WDR41: variants seen among roughly 807,000 people sequenced by gnomAD.
WDR41 encodes the protein WD repeat domain 41, also known as WD repeat-containing protein 41.
Under a neutral mutation model 69.3 loss-of-function variants are expected in WDR41, and 63 were observed. The ratio of observed to expected loss-of-function variants is 0.91; its 90% CI spans 0.74 to 1.12. The LOEUF is 1.12. Among genes scored for constraint, WDR41 ranks in the 50% most tolerant of loss-of-function variants. The pLI, the probability that WDR41 is intolerant of heterozygous loss-of-function variation, is 0.00. For synonymous variants in WDR41, 185 were observed against 192.1 expected, an observed-to-expected ratio of 0.96 and a Z score of 0.31; for missense variants, 543 against 534.5, an observed-to-expected ratio of 1.02 and a Z score of -0.16.
rs1426650767 is a variant in WDR41 at position 77,431,958 on chromosome 5, C to T, written c.*1177G>A. 5 of 152,144 alleles carry T rather than the reference C, an allele frequency of 3.3e-5. No homozygotes were observed. The highest frequency in any genetic ancestry group is 3.3e-4 in the Admixed American group (5 of 15,274). The allele number at this position is 152,144 out of a possible 1,614,324, so 9.4% of individuals were successfully genotyped here. ...GGGCACTACAGATTTAATTGCAAGGCCTTACTGCACTGGGCCTCAGTTTCC... is the reference window on the plus strand; with the variant it reads ...GGGCACTACAGATTTAATTGCAAGGTCTTACTGCACTGGGCCTCAGTTTCC... On this transcript the variant is annotated 3_prime_UTR_variant, in exon 13 of 13. Coordinates refer to ENST00000296679, the MANE Select transcript of WDR41 (RefSeq NM_018268.4).
chr5:77,438,888 A>C (rs1037491167), intron 9 of WDR41, among the ~76,000 whole-genome samples: 1 of 152,220 alleles, frequency 6.6e-6, no homozygotes, highest in Non-Finnish European at 1.5e-5. Flanking sequence ...ATTTTTCCAA[A>C]TGTACTATTA....
intron 7 of WDR41, 105 bp from the exon 8 acceptor site, chr5:77,449,975 T>C (rs1319748347): frequency 1.3e-6 from 1 of 752,848 alleles, no homozygotes; most frequent in Non-Finnish European, 2.2e-6. Flanking sequence ...ATACCTACCA[T>C]ACTGAAAAAC....
intron 2 of WDR41, among the ~76,000 whole-genome samples, chr5:77,474,610 A>T (rs764716571): frequency 1.3e-5 from 2 of 152,184 alleles, no homozygotes; most frequent in Non-Finnish European, 2.9e-5. Flanking sequence ...ATCTACTTCA[A>T]CAATTTCTTT....
chr5:77,567,065 G>A (rs1225285971), intron 1 of WDR41, among the ~76,000 whole-genome samples: 1 of 152,158 alleles, frequency 6.6e-6, no homozygotes, highest in African/African-American at 2.4e-5. Context: ...AAAAACAAAT[G>A]AGGTAGAGCG....
chr5:77,484,699 A>C (rs10078089), intron 2 of WDR41, among the ~76,000 whole-genome samples: 52,361 of 152,120 alleles, frequency 0.34, 9,086 homozygotes, highest in Non-Finnish European at 0.35. Context: ...AGACATAGCC[A>C]ATGAGTATGT....
At chr5:77,543,923 A>C (rs1743142888) in intron 1 of WDR41, among the ~76,000 whole-genome samples, 1 of 152,148 alleles carries the variant, frequency 6.6e-6, no homozygotes, top group African/African-American at 2.4e-5. Context: ...CAGGTAACCC[A>C]TAAAGAAAAA....
upstream of WDR41, chr5:77,492,352 G>T: frequency 3.2e-6 from 4 of 1,239,842 alleles, no homozygotes; most frequent in Non-Finnish European, 4.5e-6. Flanking sequence ...ATCAGCCCAC[G>T]GGCCGAAGGA....
chr5:77,486,020 C>T (rs1286144796), intron 2 of WDR41, among the ~76,000 whole-genome samples: 2 of 152,072 alleles, frequency 1.3e-5, no homozygotes, highest in African/African-American at 2.4e-5. Context: ...AATTTTAAAA[C>T]TGGAAAGGTA....
chr5:77,497,275 C>A (rs762730399), upstream of WDR41, among the ~76,000 whole-genome samples: 16 of 152,028 alleles, frequency 1.1e-4, no homozygotes, highest in Non-Finnish European at 1.8e-4. Flanking sequence ...TAAGAACTTT[C>A]ATGCGTCAAA....
intron 2 of WDR41, among the ~76,000 whole-genome samples, chr5:77,468,359 A>C (rs968422291): frequency 6.6e-6 from 1 of 152,148 alleles, no homozygotes; most frequent in Non-Finnish European, 1.5e-5. Flanking sequence ...CTAGATCATG[A>C]GTCCTTAGAG....
Position 77,505,809 on chromosome 5 carries a change from G to A in WDR41, c.43-16237C>T, listed in dbSNP as rs938991012. 5.9e-5 allele frequency among the ~76,000 whole-genome samples: 9 copies of A among 152,242 alleles called. No homozygotes were observed. In the East Asian group the frequency reaches 1.4e-3, roughly 23 times the overall value. ...GGAAAGGATTCCCTATTTAATAAAC[G>A]GTGCTGGGAAAACTGGCTAGCCATA... On this transcript the variant is annotated intron_variant, in intron 1 of 5. Coordinates refer to the WDR41 transcript ENST00000509971.
chr5:77,438,641 A>T (rs1468415882), intron 9 of WDR41, among the ~76,000 whole-genome samples: 1 of 152,188 alleles, frequency 6.6e-6, no homozygotes, highest in Non-Finnish European at 1.5e-5. Context: ...ATATATCTAG[A>T]GAAAAGCTAT....
chr5:77,588,770 C>T (rs1744083776), intron 1 of WDR41, among the ~76,000 whole-genome samples: 1 of 152,110 alleles, frequency 6.6e-6, no homozygotes, highest in Non-Finnish European at 1.5e-5. Flanking sequence ...AATACATAAC[C>T]TTGTTTTATG....
At chr5:77,608,024 C>A (rs904931198) in intron 1 of WDR41, among the ~76,000 whole-genome samples, 1 of 152,180 alleles carries the variant, frequency 6.6e-6, no homozygotes, top group Non-Finnish European at 1.5e-5. Flanking sequence ...CAGCCATCCA[C>A]AACCTCTTTT....
intron 1 of WDR41, among the ~76,000 whole-genome samples, chr5:77,586,524 T>C (rs940881359): frequency 6.6e-6 from 1 of 152,008 alleles, no homozygotes; most frequent in African/African-American, 2.4e-5. Flanking sequence ...CAGGCTGGTC[T>C]TGAATTCCTA....
chr5:77,523,686 A>G (rs1452600508), intron 1 of WDR41, among the ~76,000 whole-genome samples: 2 of 152,154 alleles, frequency 1.3e-5, no homozygotes, highest in African/African-American at 2.4e-5. Flanking sequence ...TTTTAGTTTA[A>G]CAATCTTGCC....
intron 8 of WDR41, among the ~76,000 whole-genome samples, chr5:77,444,724 C>T (rs1257710486): frequency 6.6e-6 from 1 of 152,226 alleles, no homozygotes; most frequent in Admixed American, 6.5e-5. Context: ...TTCAGGATCA[C>T]TGACATCCAC....
chr5:77,557,904 A>G (rs535677758), intron 1 of WDR41, among the ~76,000 whole-genome samples: 2 of 152,290 alleles, frequency 1.3e-5, no homozygotes, highest in South Asian at 4.1e-4. Flanking sequence ...TTACAAAAGA[A>G]TGTATACGGT....
intron 5 of WDR41, among the ~76,000 whole-genome samples, chr5:77,455,023 A>G (rs1035769154): frequency 2.6e-5 from 4 of 152,208 alleles, no homozygotes; most frequent in African/African-American, 9.6e-5. Flanking sequence ...GGGATATACC[A>G]AGGAGTAAGA....
Sources: allele counts gnomAD v4.1 joint callset (sites outside exome capture counted in the v4.1 genomes callset), GRCh38; gene constraint gnomAD v4.1.1; transcripts MANE v1.5; gene names NCBI Gene and HGNC (gene_info 2026-07-23, HGNC 2026-07-21).